Variants in SSRP1 observed in about 807,000 individuals in gnomAD.
SSRP1 encodes FACT complex subunit SSRP1.
In SSRP1, 21 loss-of-function variants were observed where a neutral mutation model predicts 84.4. That is an observed-to-expected ratio of 0.25 (90% CI 0.18 to 0.36). The LOEUF is 0.36. Ranked by LOEUF, SSRP1 falls within the 10% of genes least tolerant of loss-of-function variation. The pLI is 1.00. For missense variants in SSRP1, 519 were observed against 900.8 expected (o/e 0.58, Z 5.43); for synonymous variants, 319 against 318.3 (o/e 1.00, Z -0.02).
intron 8 of SSRP1, 109 bp from the exon 9 acceptor site, chr11:57,331,998 T>C (rs1301596508): frequency 4.7e-6 from 7 of 1,493,930 alleles, no homozygotes; most frequent in East Asian, 2.3e-5. Context: ...TAAACCTCAC[T>C]GAGCTGTTCT....
At position 57,331,835 on chromosome 11, in the gene SSRP1, G is replaced by A. The variant is rs759365156; in HGVS notation, c.1056C>T (p.Leu352=). 2.7e-5 allele frequency: 44 copies of A among 1,614,008 alleles called. No homozygotes were observed. Among genetic ancestry groups the A allele is most frequent in the Non-Finnish European group, 3.0e-5 (35 of 1,180,016 alleles). ...AGATGAAGCCCCGCTCCAGCGGGTA[G>A]AGCAGTCCTGAGCTTGCCTTGTAGG... is the stretch of plus-strand genomic sequence containing the variant. ...TCSYKASSGL[L]YPLERGFIYV... The change falls in exon 9 of 17, where the codon CTC becomes CTT. Residue 352 remains leucine, a synonymous_variant. Transcript: ENST00000278412.
rs769185019 is a variant in SSRP1 at position 57,326,757 on chromosome 11, A to G, written c.2004T>C (p.Ser668=). ...ESFKSKEFVS[S]DESSSGENKS... ...TGTTCTCTCCCGAAGAGCTCTCATC[A>G]CTAGACACAAACTCTTTGCTCTTGA... The change falls in exon 16 of 17, where the codon AGT becomes AGC. Residue 668 remains serine (S), a synonymous_variant. Transcript: ENST00000278412. The G allele has an allele frequency of 1.9e-6, 3 of 1,614,096 alleles. No individual in the cohort carries two copies. The highest frequency in any genetic ancestry group is 3.3e-5 in the Admixed American group (2 of 60,024).
intron 3 of SSRP1, 114 bp from the exon 4 acceptor site, chr11:57,333,654 G>C (rs1856143502): frequency 1.3e-6 from 1 of 750,194 alleles, no homozygotes. Context: ...GGCTTTATAA[G>C]AAATCCATGC....
In SSRP1 at chr11:57,335,008, A is replaced by G; in HGVS notation, c.54+60T>C. The G allele has an allele frequency of 6.3e-7, 1 of 1,595,536 alleles. No homozygotes were observed. Among genetic ancestry groups the G allele is most frequent in the Non-Finnish European group, 8.6e-7 (1 of 1,163,516 alleles). ...TACCAAAGCAAGCTCTCATTAATGGACAAAAACTCTACCCTCCTTCCTTCT... is the reference window on the plus strand; with the variant it reads ...TACCAAAGCAAGCTCTCATTAATGGGCAAAAACTCTACCCTCCTTCCTTCT... On this transcript the variant is annotated intron_variant, in intron 2 of 16. Coordinates refer to ENST00000278412, the MANE Select transcript of SSRP1 (RefSeq NM_003146.3). This position sits in a 1 kb window ranked among gnomAD's most constrained non-coding sequence, Gnocchi z 4.6.
chr11:57,328,219 A>G (rs1856022601), intron 13 of SSRP1, 78 bp downstream of exon 13: 2 of 1,561,672 alleles, frequency 1.3e-6, no homozygotes, highest in Non-Finnish European at 1.7e-6. Context: ...GGTGGTGGAC[A>G]GGAGAAGGTA....
At chr11:57,329,061 T>C (rs1856040024) in intron 12 of SSRP1, 1 of 152,494 alleles carries the variant, frequency 6.6e-6, no homozygotes, top group Non-Finnish European at 1.5e-5. Context: ...ATTGACAGTC[T>C]TGTCTGATAT....
chr11:57,326,386 A>C lies in SSRP1; in HGVS notation c.*21T>G, dbSNP rs760247063. On this transcript the variant is annotated 3_prime_UTR_variant, in exon 17 of 17. Coordinates refer to ENST00000278412, the MANE Select transcript of SSRP1 (RefSeq NM_003146.3). ...TCGGGGGGTGTGAGAAGGCAAGCGC[A>C]AAGAGAACCTTCCTCCGTTTCTACT... is the stretch of plus-strand genomic sequence containing the variant. 1 of 1,613,702 alleles carries C rather than the reference A, an allele frequency of 6.2e-7. No individual in the cohort carries two copies. Among genetic ancestry groups the C allele is most frequent in the Non-Finnish European group, 8.5e-7 (1 of 1,179,782 alleles).
rs1855982881 is a variant in SSRP1, at chr11:57,326,473, A to C, written c.2064T>G (p.Ser688=). The change falls in exon 17 of 17, where the codon TCT becomes TCG. Residue 688 remains serine, a synonymous_variant. Coordinates refer to ENST00000278412, the MANE Select transcript of SSRP1 (RefSeq NM_003146.3). ...GAGTACTGGCTAGTTCTTCTTCTTCAGAGTCCTGAAAACCAAAGGTGTCTT... is the reference window on the plus strand; with the variant it reads ...GAGTACTGGCTAGTTCTTCTTCTTCCGAGTCCTGAAAACCAAAGGTGTCTT... ...SKKKRRRSED[S]EEEELASTPP... is the part of the protein sequence containing the mutation. The C allele has an allele frequency of 1.2e-6, 2 of 1,613,944 alleles. No homozygotes were observed. Among genetic ancestry groups the C allele is most frequent in the Non-Finnish European group, 1.7e-6 (2 of 1,180,014 alleles).
intron 12 of SSRP1, 170 bp downstream of exon 12, chr11:57,329,923 C>A: frequency 1.2e-6 from 1 of 808,090 alleles, no homozygotes; most frequent in Non-Finnish European, 2.0e-6. Flanking sequence ...CTTGCACTTA[C>A]AAAGCCCTTG....
At position 57,332,337 on chromosome 11, in the gene SSRP1, C is replaced by T. The variant is rs1856109479; in HGVS notation, c.872+46G>A. ...TACTGCCTTCTAATGGCACACCTGT[C>T]TCCTGCCTGGACAGTGGTAGGAAAC... On this transcript the variant is annotated intron_variant, in intron 7 of 16. Transcript: ENST00000278412. This position sits in a 1 kb window ranked among gnomAD's most constrained non-coding sequence, Gnocchi z 5.5. 6.2e-7 allele frequency: 1 copy of T among 1,613,846 alleles called. No individual in the cohort carries two copies. The highest frequency in any genetic ancestry group is 8.5e-7 in the Non-Finnish European group (1 of 1,179,794).
At chr11:57,327,675 C>A in intron 14 of SSRP1, 37 bp downstream of exon 14, 2 of 1,610,540 alleles carry the variant, frequency 1.2e-6, no homozygotes, top group Non-Finnish European at 1.7e-6. Context: ...TCTCGCCAGC[C>A]CATGAGAGGC....
At position 57,331,860 on chromosome 11, in the gene SSRP1, G is replaced by C. The variant is rs1460691803; in HGVS notation, c.1031C>G (p.Ser344Cys). The C allele has an allele frequency of 6.2e-7, 1 of 1,613,626 alleles. No individual in the cohort carries two copies. The highest frequency in any genetic ancestry group is 8.5e-7 in the Non-Finnish European group (1 of 1,179,828). ...GAGCAGTCCTGAGCTTGCCTTGTAGGAACAGGTAATGCACTGGGCCCCTGA... is the reference window on the plus strand; with the variant it reads ...GAGCAGTCCTGAGCTTGCCTTGTAGCAACAGGTAATGCACTGGGCCCCTGA... ...GHSGAQCITC[S>C]YKASSGLLYP... The change falls in exon 9 of 17, where the codon TCC (serine) becomes TGC (cysteine). Residue 344 changes from serine to cysteine, a missense_variant. Coordinates refer to ENST00000278412, the MANE Select transcript of SSRP1 (RefSeq NM_003146.3).
Position 57,326,194 on chromosome 11 carries a change from T to C in SSRP1, c.*213A>G, listed in dbSNP as rs545183044. The C allele has an allele frequency of 1.8e-5, 11 of 599,640 alleles. No individual in the cohort carries two copies. The highest frequency in any genetic ancestry group is 7.5e-4 in the Middle Eastern group (2 of 2,652). The allele number at this position is 599,640 out of a possible 1,614,324, so 37.1% of individuals were successfully genotyped here. A position where few individuals can be genotyped will look rare whatever the true frequency, so the allele number is the denominator to read the frequency against. On this transcript the variant is annotated 3_prime_UTR_variant, in exon 17 of 17. Coordinates refer to ENST00000278412, the MANE Select transcript of SSRP1 (RefSeq NM_003146.3). ...TCCTGCATTGCCCTGCCTCCCACCC[T>C]ATCTCTCCCCAAATTATAAACAGCC...
rs756486938 is a variant in SSRP1, at chr11:57,327,835, T to C, written c.1659A>G (p.Ala553=). The C allele has an allele frequency of 1.2e-6, 2 of 1,614,074 alleles. No individual in the cohort carries two copies. Among genetic ancestry groups the C allele is most frequent in the Non-Finnish European group, 1.7e-6 (2 of 1,180,046 alleles). The part of the protein sequence containing the change: ...DPNAPKRPMS[A]YMLWLNASRE... Reference sequence around the variant, plus strand: ...GGCTGGCATTGAGCCACAGCATGTATGCAGACATGGGCCTCTTGGGGGCAT... The same window carrying C: ...GGCTGGCATTGAGCCACAGCATGTACGCAGACATGGGCCTCTTGGGGGCAT... Residue 553 remains alanine, a synonymous_variant, in exon 14 of 17, where the codon GCA becomes GCG. Coordinates refer to ENST00000278412, the MANE Select transcript of SSRP1 (RefSeq NM_003146.3).
In SSRP1 at chr11:57,335,802, G is replaced by A. The variant is rs1856206687; in HGVS notation, c.-192C>T. ...CGCTGGGGGGACGCGGGGGGGGCGC[G>A]GGGAGGGGGATGGGGGGACACCGGG... On this transcript the variant is annotated 5_prime_UTR_variant, in exon 1 of 17. Transcript: ENST00000278412. The surrounding 1 kb of genome is among the most constrained non-coding windows in gnomAD (Gnocchi z 4.6). 1 of 152,218 alleles carries A rather than the reference G, an allele frequency of 6.6e-6. No homozygotes were observed. Among genetic ancestry groups the A allele is most frequent in the Non-Finnish European group, 1.5e-5 (1 of 68,178 alleles). The allele number at this position is 152,218 out of a possible 1,614,324, so 9.4% of individuals were successfully genotyped here. A position where few individuals can be genotyped will look rare whatever the true frequency, so the allele number is the denominator to read the frequency against.
intron 12 of SSRP1, chr11:57,328,701 G>A (rs1856032479): frequency 5.4e-6 from 2 of 369,470 alleles, no homozygotes; most frequent in Admixed American, 4.5e-5. Context: ...ATCTCCCTGG[G>A]CATGGCCAAA....
At chr11:57,331,406 G>A (rs527367774) in intron 9 of SSRP1, among the ~76,000 whole-genome samples, 1 of 152,268 alleles carries the variant, frequency 6.6e-6, no homozygotes, top group South Asian at 2.1e-4. Flanking sequence ...GGAGAAAAAA[G>A]ACCAGTAGCG....
chr11:57,327,440 G>A lies in SSRP1; in HGVS notation c.1857C>T (p.Gly619=), dbSNP rs530277602. Residue 619 remains glycine, a synonymous_variant, in exon 15 of 17, where the codon GGC becomes GGT. Transcript: ENST00000278412. ...KAMKEYEGGR[G]ESSKRDKSKK... ...TCGACACTCACCTCTTAGAAGACTC[G>A]CCTCGGCCCCCTTCATATTCTTTCA... 4.2e-5 allele frequency: 67 copies of A among 1,613,158 alleles called. No individual in the cohort carries two copies. In the East Asian group the frequency reaches 5.1e-4, roughly 12 times the overall value.
At position 57,330,081 on chromosome 11, in the gene SSRP1, A is replaced by C; in HGVS notation, c.1481+12T>G. 6.2e-7 allele frequency: 1 copy of C among 1,614,138 alleles called. No homozygotes were observed. Among genetic ancestry groups the C allele is most frequent in the Non-Finnish European group, 8.5e-7 (1 of 1,180,006 alleles). On this transcript the variant is annotated intron_variant, in intron 12 of 16. Coordinates refer to ENST00000278412, the MANE Select transcript of SSRP1 (RefSeq NM_003146.3). This position sits in a 1 kb window ranked among gnomAD's most constrained non-coding sequence, Gnocchi z 4.0. ...CACCATCTTATCCCCACAAGGTACC[A>C]CCAAAACTCACTCCTCTGCCACATC...
Sources: gnomAD v4.1 joint callset for allele counts (sites outside exome capture counted in the v4.1 genomes callset) on GRCh38, gnomAD v4.1.1 for gene constraint, Gnocchi (gnomAD v3.1) non-coding constraint, MANE v1.5 for transcripts, NCBI Gene and HGNC (gene_info 2026-07-23, HGNC 2026-07-21) for gene names.